Variants in ZNF385B observed in about 807,000 individuals in gnomAD.
The protein encoded by ZNF385B is zinc finger protein 385B.
In ZNF385B, 23 loss-of-function variants were observed where a neutral mutation model predicts 39.2. The ratio of observed to expected loss-of-function variants is 0.59; its 90% CI spans 0.42 to 0.83. The LOEUF (loss-of-function observed/expected upper bound fraction) is 0.83, where lower values mean the gene tolerates loss of function less well. ZNF385B is among the 40% of genes least tolerant of loss of function. ZNF385B has a pLI of 0.00. For synonymous variants in ZNF385B, 205 were observed against 222.6 expected (o/e 0.92, Z 0.70); for missense variants, 552 against 598.9 (o/e 0.92, Z 0.82).
Position 179,443,466 on chromosome 2 carries a change from T to G in ZNF385B, c.1245A>C (p.Ala415=). ...TCATATCTTTCTGGAATGCAAGTTT[T>G]GCCTAAGGGAGGGAGAAAACCAGGA... ...KLQRSPSILA[A]KLAFQKDMMK... Residue 415 remains alanine, a splice_region_variant and synonymous_variant, in exon 10 of 10, where the codon GCA becomes GCC. Coordinates refer to ENST00000410066, the MANE Select transcript of ZNF385B (RefSeq NM_152520.6). 1 of 1,591,930 alleles carries G rather than the reference T, an allele frequency of 6.3e-7. No individual in the cohort carries two copies. The highest frequency in any genetic ancestry group is 8.6e-7 in the Non-Finnish European group (1 of 1,168,614).
At chr2:179,675,101 A>G (rs1381589887) in intron 3 of ZNF385B, among the ~76,000 whole-genome samples, 1 of 152,228 alleles carries the variant, frequency 6.6e-6, no homozygotes, top group East Asian at 1.9e-4. Context: ...CTGTTGACCA[A>G]AAGCCTTACT....
chr2:179,751,736 T>C (rs1702688816), intron 3 of ZNF385B, among the ~76,000 whole-genome samples: 1 of 152,016 alleles, frequency 6.6e-6, no homozygotes, highest in Non-Finnish European at 1.5e-5. Flanking sequence ...AATAAAATTA[T>C]GTATAACACT....
chr2:179,632,686 A>C lies in ZNF385B; in HGVS notation c.299-87717T>G, dbSNP rs894914712. 5.9e-5 allele frequency among the ~76,000 whole-genome samples: 9 copies of C among 152,208 alleles called. No individual in the cohort carries two copies. The East Asian group carries it at 1.2e-3, about 20-fold the overall frequency. On this transcript the variant is annotated intron_variant, in intron 3 of 9. Transcript: ENST00000410066. Reference sequence around the variant, plus strand: ...CACATTCAAAAGCTAGCAGAAGGTAAGAAATAACTAAGATCAGAGCAGAAC... The same window carrying C: ...CACATTCAAAAGCTAGCAGAAGGTACGAAATAACTAAGATCAGAGCAGAAC...
rs569405331 is a variant in ZNF385B at position 179,690,834 on chromosome 2, C to T, written c.298+78669G>A. ...CAAATGACAGTTGTAATTATTCGTGCACTTCACCAAATCCTTTTCTGCCAC... is the reference window on the plus strand; with the variant it reads ...CAAATGACAGTTGTAATTATTCGTGTACTTCACCAAATCCTTTTCTGCCAC... On this transcript the variant is annotated intron_variant, in intron 3 of 9. Transcript: ENST00000410066. Among the ~76,000 whole-genome samples the T allele has an allele frequency of 2.6e-5, 4 of 152,278 alleles. No homozygotes were observed. The South Asian group carries it at 8.3e-4, about 32-fold the overall frequency.
At chr2:179,703,342 T>G (rs1317604318) in intron 3 of ZNF385B, among the ~76,000 whole-genome samples, 1 of 152,196 alleles carries the variant, frequency 6.6e-6, no homozygotes, top group Non-Finnish European at 1.5e-5. Context: ...GAAACAGACT[T>G]GCCCTCCCAG....
chr2:179,819,443 G>A (rs931544690), intron 1 of ZNF385B, among the ~76,000 whole-genome samples: 2 of 152,070 alleles, frequency 1.3e-5, no homozygotes, highest in African/African-American at 4.8e-5. Flanking sequence ...TTCCTGGGAT[G>A]CCCCACAGGA....
intron 3 of ZNF385B, among the ~76,000 whole-genome samples, chr2:179,546,609 T>C (rs2105913091): frequency 6.6e-6 from 1 of 152,334 alleles, no homozygotes; most frequent in Admixed American, 6.5e-5. Flanking sequence ...CTCATTTTCT[T>C]TTTCCATTCA....
intron 3 of ZNF385B, among the ~76,000 whole-genome samples, chr2:179,545,911 ACT>A (rs1280346221): frequency 2.0e-5 from 3 of 151,790 alleles, no homozygotes; most frequent in South Asian, 4.2e-4. Flanking sequence ...ATCCAATTAT[ACT>A]CTTTTAGTTA....
intron 3 of ZNF385B, among the ~76,000 whole-genome samples, chr2:179,672,095 T>C (rs550156904): frequency 6.6e-6 from 1 of 152,254 alleles, no homozygotes; most frequent in Non-Finnish European, 1.5e-5. Context: ...ATCCAACCTC[T>C]GCCCCAATGT....
At chr2:179,760,525 G>T (rs1029528615) in intron 3 of ZNF385B, among the ~76,000 whole-genome samples, 1 of 152,050 alleles carries the variant, frequency 6.6e-6, no homozygotes, top group Non-Finnish European at 1.5e-5. Flanking sequence ...CCTTTTTATT[G>T]TTGAGTAGTA....
intron 3 of ZNF385B, among the ~76,000 whole-genome samples, chr2:179,645,517 A>G (rs1386425258): frequency 6.6e-6 from 1 of 152,230 alleles, no homozygotes; most frequent in Non-Finnish European, 1.5e-5. Context: ...GCACTATTAC[A>G]TAATGTAATG....
At chr2:179,522,288 C>G (rs1202536602) in intron 4 of ZNF385B, among the ~76,000 whole-genome samples, 2 of 152,102 alleles carry the variant, frequency 1.3e-5, no homozygotes, top group African/African-American at 4.8e-5. Context: ...TAGTACAATG[C>G]TCTAAAAGCT....
chr2:179,577,803 A>G (rs1686009955), intron 3 of ZNF385B, among the ~76,000 whole-genome samples: 1 of 178 alleles, frequency 5.6e-3, no homozygotes, highest in African/African-American at 8.5e-3. Flanking sequence ...TGTCTTTACT[A>G]AAAAAAAATA....
intron 3 of ZNF385B, among the ~76,000 whole-genome samples, chr2:179,564,442 GC>G (rs1025059844): frequency 3.3e-5 from 5 of 152,196 alleles, no homozygotes; most frequent in African/African-American, 1.2e-4. Context: ...AGTTAATACA[GC>G]CCGCCCTCTC....
Position 179,548,781 on chromosome 2 carries a change from G to A in ZNF385B, c.299-3812C>T, listed in dbSNP as rs146677605. ...CACAAGAACAGCACGGGAAAAACCT[G>A]CCCCCATGATTCAATTACCTCCCAC... On this transcript the variant is annotated intron_variant, in intron 3 of 9. Coordinates refer to ENST00000410066, the MANE Select transcript of ZNF385B (RefSeq NM_152520.6). Among the ~76,000 whole-genome samples the A allele has an allele frequency of 8.0e-5, 12 of 149,140 alleles. No individual in the cohort carries two copies. In the East Asian group the frequency reaches 2.3e-3, roughly 29 times the overall value.
chr2:179,490,650 T>C (rs1048867905), intron 5 of ZNF385B, among the ~76,000 whole-genome samples: 9 of 152,032 alleles, frequency 5.9e-5, no homozygotes, highest in Admixed American at 2.0e-4. Flanking sequence ...AAAAATAAAA[T>C]CATTTCTTAC....
chr2:179,583,851 T>C (rs929797363), intron 3 of ZNF385B: 1 of 1,258,666 alleles, frequency 7.9e-7, no homozygotes, highest in African/African-American at 1.5e-5. Flanking sequence ...ATTTCAGGAG[T>C]GAAACCTCAG....
At chr2:179,745,939 G>T in intron 3 of ZNF385B, 1 of 1,232,886 alleles carries the variant, frequency 8.1e-7, no homozygotes, top group Non-Finnish European at 1.0e-6. Context: ...TCCTTTACAT[G>T]CTGGCAACAT....
chr2:179,640,276 A>G (rs931817261), intron 3 of ZNF385B, among the ~76,000 whole-genome samples: 1 of 152,182 alleles, frequency 6.6e-6, no homozygotes, highest in Non-Finnish European at 1.5e-5. Flanking sequence ...GTACTCTATC[A>G]CTACTACTTT....
Sources: allele counts gnomAD v4.1 joint callset (sites outside exome capture counted in the v4.1 genomes callset), GRCh38; gene constraint gnomAD v4.1.1; transcripts MANE v1.5; gene names NCBI Gene and HGNC (gene_info 2026-07-23, HGNC 2026-07-21).